DOCK1: variants seen among roughly 807,000 people sequenced by gnomAD.
DOCK1 encodes the protein dedicator of cytokinesis 1, also known as dedicator of cytokinesis protein 1.
DOCK1 carries 138 observed loss-of-function variants against 262.7 expected under a neutral mutation model. That is an observed-to-expected ratio of 0.53 (90% CI 0.46 to 0.61). DOCK1 has a LOEUF of 0.61. Ranked by LOEUF, DOCK1 falls within the 20% of genes least tolerant of loss-of-function variation. The pLI is 0.00. For missense variants in DOCK1, 1,908 were observed against 2,370.7 expected, an observed-to-expected ratio of 0.80 and a Z score of 4.05; for synonymous variants, 866 against 867.4, an observed-to-expected ratio of 1.00 and a Z score of 0.03.
At chr10:127,173,260 A>G (rs1460395327) in intron 27 of DOCK1, among the ~76,000 whole-genome samples, 1 of 152,192 alleles carries the variant, frequency 6.6e-6, no homozygotes, top group Non-Finnish European at 1.5e-5. Context: ...CAGGACAGAC[A>G]GTGATCTCAA....
At chr10:127,304,513 A>C (rs2766034) in intron 29 of DOCK1, among the ~76,000 whole-genome samples, 20,371 of 152,132 alleles carry the variant, frequency 0.13, 1,882 homozygotes, top group African/African-American at 0.26. Flanking sequence ...CCACAGAGAC[A>C]ATAAGTTAGC....
At chr10:127,417,636 C>G (rs898323212) in intron 44 of DOCK1, among the ~76,000 whole-genome samples, 2 of 152,184 alleles carry the variant, frequency 1.3e-5, no homozygotes, top group South Asian at 4.1e-4. Context: ...AATACAGTGG[C>G]TCAATCTCGG....
intron 23 of DOCK1, among the ~76,000 whole-genome samples, chr10:127,063,993 G>A (rs907709918): frequency 7.2e-5 from 11 of 152,314 alleles, no homozygotes; most frequent in African/African-American, 2.4e-4. Context: ...GTGCTTTCTC[G>A]ATGACGTTGG....
chr10:127,439,272 C>T, intron 49 of DOCK1, 47 bp downstream of exon 49: 3 of 1,556,864 alleles, frequency 1.9e-6, no homozygotes, highest in Non-Finnish European at 2.6e-6. Context: ...GCTTCAGGGA[C>T]CTACCTTTGC....
intron 23 of DOCK1, among the ~76,000 whole-genome samples, chr10:127,078,274 G>T (rs1591933427): frequency 1.3e-5 from 2 of 151,092 alleles, no homozygotes; most frequent in East Asian, 3.9e-4. Flanking sequence ...TTTTTTATTA[G>T]TTCTTTTATT....
chr10:127,052,633 A>G (rs2044813460), intron 21 of DOCK1, 48 bp from the exon 22 acceptor site: 2 of 1,612,960 alleles, frequency 1.2e-6, no homozygotes, highest in Non-Finnish European at 1.7e-6. Context: ...AAGATTTGAG[A>G]TATTTTCCTT....
At chr10:127,297,135 A>G (rs144406665) in intron 29 of DOCK1, among the ~76,000 whole-genome samples, 1,664 of 152,278 alleles carry the variant, frequency 0.011, 12 homozygotes, top group Non-Finnish European at 0.016. Context: ...CCCGCAAGCT[A>G]GTTGTGGAAG....
At chr10:126,918,742 C>CT (rs1179047178) in intron 1 of DOCK1, among the ~76,000 whole-genome samples, 1 of 152,168 alleles carries the variant, frequency 6.6e-6, no homozygotes, top group Non-Finnish European at 1.5e-5. Context: ...GCGGGATGGC[C>CT]TAACTCATGG....
chr10:127,302,249 C>G (rs1486232548), intron 29 of DOCK1, among the ~76,000 whole-genome samples: 2 of 152,142 alleles, frequency 1.3e-5, no homozygotes, highest in Admixed American at 1.3e-4. Context: ...TCCCCTAACT[C>G]TAGCCACCTG....
chr10:127,041,806 A>C (rs918378960), intron 19 of DOCK1, among the ~76,000 whole-genome samples: 1 of 152,190 alleles, frequency 6.6e-6, no homozygotes, highest in Admixed American at 6.5e-5. Flanking sequence ...CCTAATGAGT[A>C]ATCATGATAG....
chr10:127,414,697 T>C (rs2068056941), intron 43 of DOCK1, among the ~76,000 whole-genome samples: 1 of 151,684 alleles, frequency 6.6e-6, no homozygotes, highest in Admixed American at 6.6e-5. Flanking sequence ...ACCGACTGGT[T>C]TTATCAGAAC....
At chr10:127,203,727 G>C (rs1445209885) in intron 27 of DOCK1, among the ~76,000 whole-genome samples, 1 of 151,122 alleles carries the variant, frequency 6.6e-6, no homozygotes, top group African/African-American at 2.4e-5. Context: ...GTAGGGCTGC[G>C]GATCTCCCCG....
chr10:126,922,231 AAAAG>A (rs2033275452), intron 1 of DOCK1, among the ~76,000 whole-genome samples: 2 of 151,400 alleles, frequency 1.3e-5, no homozygotes, highest in Non-Finnish European at 2.9e-5. Flanking sequence ...AAAAAAAAAA[AAAAG>A]GAAAGAGTTA....
At chr10:127,071,326 A>T (rs988653227) in intron 23 of DOCK1, among the ~76,000 whole-genome samples, 4 of 152,124 alleles carry the variant, frequency 2.6e-5, no homozygotes, top group South Asian at 2.1e-4. Context: ...GGCAAGAATT[A>T]ATCAGGAGAG....
chr10:127,049,640 T>G (rs1429329992), intron 21 of DOCK1, among the ~76,000 whole-genome samples: 1 of 152,156 alleles, frequency 6.6e-6, no homozygotes, highest in Admixed American at 6.5e-5. Flanking sequence ...TGTTCATGTA[T>G]TGAAAAATAA....
chr10:126,942,698 A>G (rs905890385), intron 1 of DOCK1, among the ~76,000 whole-genome samples: 3 of 152,164 alleles, frequency 2.0e-5, no homozygotes, highest in Admixed American at 1.3e-4. Context: ...TACTGTAAAT[A>G]CACTCAATGT....
intron 1 of DOCK1, among the ~76,000 whole-genome samples, chr10:126,919,382 A>T (rs1370568341): frequency 6.6e-6 from 1 of 152,190 alleles, no homozygotes; most frequent in African/African-American, 2.4e-5. Flanking sequence ...TAACTTCACA[A>T]GATTTGTTTT....
At chr10:126,929,043 G>C (rs1330945760) in intron 1 of DOCK1, among the ~76,000 whole-genome samples, 2 of 152,222 alleles carry the variant, frequency 1.3e-5, no homozygotes, top group African/African-American at 4.8e-5. Flanking sequence ...CTGTAGGCTG[G>C]AGGCAGAGCT....
chr10:126,978,018 G>A (rs2038678105), intron 3 of DOCK1, 30 bp downstream of exon 3: 6 of 1,605,990 alleles, frequency 3.7e-6, no homozygotes, highest in South Asian at 1.1e-5. Flanking sequence ...CACAGTGCAT[G>A]TCTCTTCATA....
Sources: allele counts gnomAD v4.1 joint callset (sites outside exome capture counted in the v4.1 genomes callset), GRCh38; gene constraint gnomAD v4.1.1; transcripts MANE v1.5; gene names NCBI Gene and HGNC (gene_info 2026-07-23, HGNC 2026-07-21).